The following NRG3 variants were observed in gnomAD, a reference collection of about 807,000 sequenced individuals.
The protein encoded by NRG3 is pro-neuregulin-3, membrane-bound isoform.
A neutral mutation model predicts 66.9 loss-of-function variants in NRG3; 31 were observed. That is an observed-to-expected ratio of 0.46 (90% CI 0.35 to 0.63). The LOEUF (loss-of-function observed/expected upper bound fraction) is 0.63. NRG3 is among the 20% of genes least tolerant of loss of function. The pLI is 0.00. For synonymous variants in NRG3, 393 were observed against 359.4 expected, an observed-to-expected ratio of 1.09 and a Z score of -1.06; for missense variants, 910 against 878.9, an observed-to-expected ratio of 1.04 and a Z score of -0.45.
intron 2 of NRG3, among the ~76,000 whole-genome samples, chr10:82,543,016 C>A (rs1034373074): frequency 6.6e-6 from 1 of 151,898 alleles, no homozygotes; most frequent in African/African-American, 2.4e-5. Flanking sequence ...CTCAACCTCC[C>A]GAGCAGCTGG....
chr10:82,599,311 T>A (rs771195), intron 2 of NRG3, among the ~76,000 whole-genome samples: 1 of 152,088 alleles, frequency 6.6e-6, no homozygotes, highest in African/African-American at 2.4e-5. Flanking sequence ...TTGGTGGAAC[T>A]TGTGGTGGAA....
At chr10:82,981,895 T>G (rs1852943269) in intron 8 of NRG3, among the ~76,000 whole-genome samples, 1 of 152,168 alleles carries the variant, frequency 6.6e-6, no homozygotes, top group African/African-American at 2.4e-5. Flanking sequence ...AAATTCAAAA[T>G]GTACTGAATA....
intron 1 of NRG3, among the ~76,000 whole-genome samples, chr10:82,322,640 A>C (rs1476149264): frequency 6.6e-6 from 1 of 152,092 alleles, no homozygotes; most frequent in Non-Finnish European, 1.5e-5. Context: ...TTGTGACTTT[A>C]CAAATTCAAT....
At chr10:82,869,184 G>C (rs959847453) in intron 4 of NRG3, among the ~76,000 whole-genome samples, 3 of 152,148 alleles carry the variant, frequency 2.0e-5, no homozygotes, top group Non-Finnish European at 2.9e-5. Flanking sequence ...TTCTATTTGT[G>C]TGTGTGTGTG....
intron 2 of NRG3, among the ~76,000 whole-genome samples, chr10:82,533,715 C>A (rs948996844): frequency 3.3e-5 from 5 of 151,666 alleles, no homozygotes; most frequent in Non-Finnish European, 7.4e-5. Context: ...CATTTCTATA[C>A]AACAAAGAGG....
chr10:82,066,389 T>G (rs2064467337), intron 1 of NRG3, among the ~76,000 whole-genome samples: 1 of 152,230 alleles, frequency 6.6e-6, no homozygotes, highest in African/African-American at 2.4e-5. Flanking sequence ...ACTCTGTCTA[T>G]CAGTAAATTT....
intron 1 of NRG3, among the ~76,000 whole-genome samples, chr10:82,086,023 C>T (rs1040029414): frequency 4.6e-5 from 7 of 152,062 alleles, no homozygotes; most frequent in Non-Finnish European, 8.8e-5. Context: ...TAAAAGGACA[C>T]GTTCAAACCA....
At chr10:82,337,077 A>G (rs1019139126) in intron 1 of NRG3, among the ~76,000 whole-genome samples, 2 of 152,198 alleles carry the variant, frequency 1.3e-5, no homozygotes, top group African/African-American at 4.8e-5. Context: ...CTACTGAGCC[A>G]TATTTGTCCC....
intron 1 of NRG3, among the ~76,000 whole-genome samples, chr10:81,909,346 A>G (rs1844901058): frequency 6.6e-6 from 1 of 151,792 alleles, no homozygotes; most frequent in South Asian, 2.1e-4. Flanking sequence ...GATCACATTC[A>G]CAGGTTCTGG....
intron 2 of NRG3, among the ~76,000 whole-genome samples, chr10:82,702,222 A>G (rs1364644266): frequency 6.6e-6 from 1 of 152,204 alleles, no homozygotes; most frequent in Non-Finnish European, 1.5e-5. Flanking sequence ...CTTGTCACAC[A>G]CTGACTATAA....
intron 1 of NRG3, among the ~76,000 whole-genome samples, chr10:81,996,838 G>A (rs897429314): frequency 5.9e-5 from 9 of 151,976 alleles, no homozygotes; most frequent in African/African-American, 2.2e-4. Flanking sequence ...TCATCATTTT[G>A]GAACCTTACC....
intron 1 of NRG3, among the ~76,000 whole-genome samples, chr10:82,246,045 G>A (rs2077230421): frequency 6.9e-6 from 1 of 144,714 alleles, no homozygotes; most frequent in Non-Finnish European, 1.5e-5. Flanking sequence ...TATTCCTCAG[G>A]AAAGTATGAC....
At chr10:82,933,415 G>T (rs572318841) in intron 4 of NRG3, among the ~76,000 whole-genome samples, 2 of 152,158 alleles carry the variant, frequency 1.3e-5, no homozygotes, top group Non-Finnish European at 2.9e-5. Flanking sequence ...GGCCTTCTTT[G>T]TCACTTCCCA....
chr10:82,469,305 T>C (rs1841001250), intron 2 of NRG3, among the ~76,000 whole-genome samples: 1 of 152,202 alleles, frequency 6.6e-6, no homozygotes, highest in South Asian at 2.1e-4. Flanking sequence ...TTGAGACAAG[T>C]ACAAGGGAGA....
At chr10:82,701,387 C>T (rs1339714719) in intron 2 of NRG3, among the ~76,000 whole-genome samples, 1 of 152,134 alleles carries the variant, frequency 6.6e-6, no homozygotes, top group Non-Finnish European at 1.5e-5. Flanking sequence ...AGTACTCCTG[C>T]CTCTCGCTTG....
chr10:82,209,645 G>A (rs970193065), intron 1 of NRG3, among the ~76,000 whole-genome samples: 3 of 152,032 alleles, frequency 2.0e-5, no homozygotes, highest in Non-Finnish European at 2.9e-5. Context: ...TGTTTTCTTG[G>A]GTGCTTTCAC....
At chr10:82,411,342 G>C (rs1347233557) in intron 2 of NRG3, among the ~76,000 whole-genome samples, 1 of 152,154 alleles carries the variant, frequency 6.6e-6, no homozygotes, top group African/African-American at 2.4e-5. Context: ...TTTACCAAAT[G>C]ACGTTTGTTT....
intron 2 of NRG3, among the ~76,000 whole-genome samples, chr10:82,489,727 CATT>C (rs1483381825): frequency 1.3e-5 from 2 of 152,120 alleles, no homozygotes; most frequent in African/African-American, 4.8e-5. Context: ...ATATGCCAGA[CATT>C]ATGCCAGGCA....
chr10:81,876,166 A>G lies in NRG3; in HGVS notation c.823+3A>G. On this transcript the variant is annotated splice_donor_region_variant and intron_variant, in intron 1 of 8. Coordinates refer to ENST00000372141, the MANE Select transcript of NRG3 (RefSeq NM_001010848.4). ...AACTAGCACCAGCCCCAAATTTCGT[A>G]AGTAAACACTGTGTCTCAACTATGA... 6.4e-7 allele frequency: 1 copy of G among 1,572,918 alleles called. No homozygotes were observed. Among genetic ancestry groups the G allele is most frequent in the Non-Finnish European group, 8.6e-7 (1 of 1,159,324 alleles).
Sources: allele counts gnomAD v4.1 joint callset (sites outside exome capture counted in the v4.1 genomes callset), GRCh38; gene constraint gnomAD v4.1.1; transcripts MANE v1.5; gene names NCBI Gene and HGNC (gene_info 2026-07-23, HGNC 2026-07-21).